The following PRKN variants were observed in gnomAD, a reference collection of about 807,000 sequenced individuals.
PRKN encodes the protein parkin RBR E3 ubiquitin protein ligase, also known as E3 ubiquitin-protein ligase parkin.
PRKN carries 56 observed loss-of-function variants against 59.5 expected under a neutral mutation model. The observed-to-expected ratio is 0.94, with a 90% CI of 0.76 to 1.18. The LOEUF (loss-of-function observed/expected upper bound fraction) is 1.18, where lower values mean the gene tolerates loss of function less well. Ranked by LOEUF, PRKN falls within the 50% of genes most tolerant of loss-of-function variation. PRKN has a pLI of 0.00. For missense variants in PRKN, 657 were observed against 596.4 expected, an observed-to-expected ratio of 1.10 and a Z score of -1.06; for synonymous variants, 250 against 222.1, an observed-to-expected ratio of 1.13 and a Z score of -1.12.
rs113365133 is a variant in PRKN at position 161,965,233 on chromosome 6, T to G, written c.734+8069A>C. Among the ~76,000 whole-genome samples the G allele has an allele frequency of 1.1e-3, 170 of 152,200 alleles. 2 individuals are homozygous for G. The highest frequency in any genetic ancestry group is 1.7e-3 in the Non-Finnish European group (118 of 68,036). ...CTTCAATAAGCCGAATGAATTTTAT[T>G]TTAGGACAAATTTGAAGGCAATTAT... On this transcript the variant is annotated intron_variant, in intron 6 of 11. Transcript: ENST00000366898.
Position 161,405,132 on chromosome 6 carries a change from C to A in PRKN, c.1084-18255G>T, listed in dbSNP as rs541372604. Among the ~76,000 whole-genome samples, 2 of 152,244 alleles carry A rather than the reference C, an allele frequency of 1.3e-5. No individual in the cohort carries two copies. The highest frequency in any genetic ancestry group is 4.1e-4 in the South Asian group (2 of 4,832). ...TTTATCTCTCCAAATATCTCACAGG[C>A]CTTTACTTTATTATGGGCCAGGAAC... is the stretch of plus-strand genomic sequence containing the variant. On this transcript the variant is annotated intron_variant, in intron 9 of 11. Transcript: ENST00000366898. This position sits in a 1 kb window ranked among gnomAD's most constrained non-coding sequence, Gnocchi z 5.1.
chr6:161,853,225 T>C (rs190672876), intron 6 of PRKN, among the ~76,000 whole-genome samples: 2 of 152,278 alleles, frequency 1.3e-5, no homozygotes, highest in African/African-American at 4.8e-5. Context: ...CTGAAAACTG[T>C]TTTTACTTTC....
intron 3 of PRKN, among the ~76,000 whole-genome samples, chr6:162,210,119 A>AAATAAAATAAAATAAAATAC (rs1562582919): frequency 6.6e-6 from 1 of 151,572 alleles, no homozygotes; most frequent in Non-Finnish European, 1.5e-5. Flanking sequence ...AAATAAAATA[A>AAATAAAATAAAATAAAATAC]AATAAAATAA....
chr6:161,622,951 A>C (rs1481265912), intron 7 of PRKN, among the ~76,000 whole-genome samples: 1 of 152,130 alleles, frequency 6.6e-6, no homozygotes, highest in Non-Finnish European at 1.5e-5. Context: ...TGCGTTGCTC[A>C]CTTGTCTTGG....
chr6:161,876,984 A>G (rs549677579), intron 6 of PRKN, among the ~76,000 whole-genome samples: 41 of 152,272 alleles, frequency 2.7e-4, no homozygotes, highest in African/African-American at 9.6e-4. Context: ...CTTGACTAGA[A>G]CTGCTCATTT....
chr6:162,553,572 A>G (rs1213296673), intron 1 of PRKN, among the ~76,000 whole-genome samples: 3 of 150,474 alleles, frequency 2.0e-5, no homozygotes, highest in Admixed American at 6.6e-5. Context: ...CTAAAGCTTC[A>G]AGGGAAAGAA....
chr6:162,529,868 G>T (rs998338962), intron 1 of PRKN, among the ~76,000 whole-genome samples: 8 of 152,200 alleles, frequency 5.3e-5, no homozygotes. Flanking sequence ...GGTGGCTCAT[G>T]CCTGTAATCC....
intron 1 of PRKN, among the ~76,000 whole-genome samples, chr6:162,596,273 A>C (rs1402099139): frequency 6.6e-6 from 1 of 152,148 alleles, no homozygotes; most frequent in Non-Finnish European, 1.5e-5. Context: ...TTGTATTTCC[A>C]CAAGTGACAA....
At chr6:162,163,343 A>T (rs1782841549) in intron 4 of PRKN, among the ~76,000 whole-genome samples, 1 of 149,642 alleles carries the variant, frequency 6.7e-6, no homozygotes, top group Non-Finnish European at 1.5e-5. Context: ...TCATTAATCA[A>T]ATGCAATGTG....
At chr6:162,529,224 C>G (rs1276600473) in intron 1 of PRKN, among the ~76,000 whole-genome samples, 1 of 151,712 alleles carries the variant, frequency 6.6e-6, no homozygotes. Context: ...TTAATTCTAA[C>G]TTGATGGGAA....
chr6:162,652,439 C>T lies in PRKN; in HGVS notation c.7+75223G>A, dbSNP rs541818647. Among the ~76,000 whole-genome samples, 60 of 152,244 alleles carry T rather than the reference C, an allele frequency of 3.9e-4. No individual in the cohort carries two copies. In the South Asian group the frequency reaches 5.6e-3, roughly 14 times the overall value. On this transcript the variant is annotated intron_variant, in intron 1 of 11. Coordinates refer to ENST00000366898, the MANE Select transcript of PRKN (RefSeq NM_004562.3). ...AATTTCTCAGTACCATAGTCTCTAT[C>T]ATTTCATATATAAATTCCTTTAAAT...
chr6:161,794,484 C>T (rs896167661), intron 6 of PRKN, among the ~76,000 whole-genome samples: 1 of 152,096 alleles, frequency 6.6e-6, no homozygotes, highest in Non-Finnish European at 1.5e-5. Context: ...GCAGCTCACC[C>T]CAGCAACACT....
intron 4 of PRKN, among the ~76,000 whole-genome samples, chr6:162,097,664 T>G (rs570059500): frequency 1.4e-4 from 21 of 152,234 alleles, no homozygotes; most frequent in Non-Finnish European, 2.8e-4. Context: ...CTAGGCATAC[T>G]TACTAGTAAA....
intron 1 of PRKN, among the ~76,000 whole-genome samples, chr6:162,536,135 T>C (rs1358353396): frequency 6.6e-6 from 1 of 152,110 alleles, no homozygotes; most frequent in African/African-American, 2.4e-5. Context: ...AGAGCCGTGG[T>C]TCTCCTGCAC....
chr6:161,631,844 T>C (rs888376156), intron 7 of PRKN, among the ~76,000 whole-genome samples: 2 of 152,036 alleles, frequency 1.3e-5, no homozygotes, highest in Non-Finnish European at 2.9e-5. Flanking sequence ...AAATTTGCCA[T>C]AGCTAAACAC....
chr6:162,579,612 CAGAT>C lies in PRKN; in HGVS notation c.8-136143_8-136140del, dbSNP rs753758792. 1.1e-3 allele frequency among the ~76,000 whole-genome samples: 169 copies of C among 150,834 alleles called. 1 individual carries two copies. The highest frequency in any genetic ancestry group is 6.8e-3 in the Middle Eastern group (2 of 292). ...TCACACGTGCACAGATTCACACACA[CAGAT>C]ACACACATACACACAAATTCACACA... On this transcript the variant is annotated intron_variant, in intron 1 of 11. Coordinates refer to ENST00000366898, the MANE Select transcript of PRKN (RefSeq NM_004562.3).
At chr6:162,069,143 G>A (rs1245944867) in intron 4 of PRKN, among the ~76,000 whole-genome samples, 4 of 152,208 alleles carry the variant, frequency 2.6e-5, no homozygotes, top group South Asian at 2.1e-4. Flanking sequence ...GAATTCCCAC[G>A]TGTTGTGGGA....
At chr6:162,658,483 G>A (rs1778743077) in intron 1 of PRKN, among the ~76,000 whole-genome samples, 1 of 152,010 alleles carries the variant, frequency 6.6e-6, no homozygotes. Flanking sequence ...CCAACATGGT[G>A]AAACCCCGTC....
chr6:162,450,225 G>A (rs901245809), intron 1 of PRKN, among the ~76,000 whole-genome samples: 2 of 151,992 alleles, frequency 1.3e-5, no homozygotes, highest in African/African-American at 4.8e-5. Context: ...GAAGTATAAT[G>A]CCCCTGTGAC....
Sources: gnomAD v4.1 joint callset for allele counts (sites outside exome capture counted in the v4.1 genomes callset) on GRCh38, gnomAD v4.1.1 for gene constraint, Gnocchi (gnomAD v3.1) non-coding constraint, MANE v1.5 for transcripts, NCBI Gene and HGNC (gene_info 2026-07-23, HGNC 2026-07-21) for gene names.